The following CDC42BPB variants were observed in gnomAD, a reference collection of about 807,000 sequenced individuals.
The protein encoded by CDC42BPB is CDC42 binding protein kinase beta, also known as serine/threonine-protein kinase MRCK beta.
A neutral mutation model predicts 214.9 loss-of-function variants in CDC42BPB; 37 were observed. That is an observed-to-expected ratio of 0.17 (90% CI 0.13 to 0.23). The LOEUF is 0.23. CDC42BPB is among the 10% of genes least tolerant of loss of function. The probability of loss-of-function intolerance (pLI) is 1.00; values close to 1 mark genes in which losing one functional copy is unlikely to be tolerated. For synonymous variants in CDC42BPB, 931 were observed against 884.0 expected (o/e 1.05, Z -0.94); for missense variants, 1,694 against 2,227.0 (o/e 0.76, Z 4.82).
At position 103,057,005 on chromosome 14, in the gene CDC42BPB, C is replaced by G. The variant is rs769301150; in HGVS notation, c.169G>C (p.Glu57Gln). Residue 57 changes from glutamate to glutamine, a missense_variant, in exon 1 of 37, where the codon GAG (glutamate) becomes CAG (glutamine). Coordinates refer to ENST00000361246, the MANE Select transcript of CDC42BPB (RefSeq NM_006035.4). ...RRDKYVAEFL[E>Q]WAKPFTQLVK... ...CCTGCCGGCGCGCACTTACCCCACT[C>G]GAGGAACTCGGCCACGTACTTGTCG... The G allele has an allele frequency of 2.1e-6, 3 of 1,461,038 alleles. No individual in the cohort carries two copies. The highest frequency in any genetic ancestry group is 2.9e-5 in the East Asian group (1 of 34,544). The allele number at this position is 1,461,038 out of a possible 1,614,324, so 90.5% of individuals were successfully genotyped here. A position where few individuals can be genotyped will look rare whatever the true frequency, so the allele number is the denominator to read the frequency against.
intron 29 of CDC42BPB, 61 bp downstream of exon 29, chr14:102,945,600 CT>C (rs1316781774): frequency 1.4e-6 from 2 of 1,433,452 alleles, no homozygotes; most frequent in Non-Finnish European, 2.0e-6. Flanking sequence ...TGACCCTGTG[CT>C]GTCTGCAGAG....
chr14:103,024,941 G>A lies in CDC42BPB; in HGVS notation c.176-12753C>T, dbSNP rs35445593. ...TTACTCCCCACATAAGACTTTTTACGTGTCAGTTTTAAAATTCAGAGGCAA... is the reference window on the plus strand; with the variant it reads ...TTACTCCCCACATAAGACTTTTTACATGTCAGTTTTAAAATTCAGAGGCAA... On this transcript the variant is annotated intron_variant, in intron 1 of 36. Coordinates refer to ENST00000361246, the MANE Select transcript of CDC42BPB (RefSeq NM_006035.4). Among the ~76,000 whole-genome samples the A allele has an allele frequency of 1.6e-4, 24 of 152,060 alleles. No individual in the cohort carries two copies. The South Asian group carries it at 3.7e-3, about 24-fold the overall frequency.
At chr14:102,978,816 G>A (rs754235404) in intron 8 of CDC42BPB, among the ~76,000 whole-genome samples, 20 of 152,146 alleles carry the variant, frequency 1.3e-4, no homozygotes, top group Non-Finnish European at 2.4e-4. Context: ...GATCAGCCTA[G>A]GCCAACATGG....
At chr14:102,981,083 C>G (rs188420398) in intron 7 of CDC42BPB, 62 bp from the exon 8 acceptor site, 1 of 1,598,212 alleles carries the variant, frequency 6.3e-7, no homozygotes, top group Non-Finnish European at 8.5e-7. Flanking sequence ...TTAAGGTGTA[C>G]AGATATGATA....
intron 36 of CDC42BPB, among the ~76,000 whole-genome samples, chr14:102,934,477 T>C (rs1891545379): frequency 6.6e-6 from 1 of 151,848 alleles, no homozygotes; most frequent in African/African-American, 2.4e-5. Context: ...GAGCTTGCAG[T>C]GAGCCGAGAC....
rs550429022 is a variant in CDC42BPB at position 102,959,610 on chromosome 14, A to C, written c.2901+21T>G. 8 of 1,261,454 alleles carry C rather than the reference A, an allele frequency of 6.3e-6. No individual in the cohort carries two copies. In the African/African-American group the frequency reaches 1.2e-4, roughly 19 times the overall value. The allele number at this position is 1,261,454 out of a possible 1,614,324, so 78.1% of individuals were successfully genotyped here. On this transcript the variant is annotated intron_variant, in intron 21 of 36. Transcript: ENST00000361246. ...CTTATCATAAACTCATCTGTCACTT[A>C]AAAAAAAAACAATGACTTACTCTAA...
chr14:103,051,710 CTT>C (rs1888618664), intron 1 of CDC42BPB, among the ~76,000 whole-genome samples: 1 of 152,234 alleles, frequency 6.6e-6, no homozygotes, highest in South Asian at 2.1e-4. Context: ...ACATTTTAAA[CTT>C]TTTCAGGTAG....
intron 1 of CDC42BPB, among the ~76,000 whole-genome samples, chr14:103,048,459 C>G (rs774058557): frequency 1.4e-5 from 2 of 139,922 alleles, no homozygotes; most frequent in Non-Finnish European, 3.0e-5. Context: ...GAGGATGAGG[C>G]AGGTGGATCA....
intron 7 of CDC42BPB, 95 bp downstream of exon 7, chr14:102,983,461 G>A (rs1036749665): frequency 3.9e-6 from 6 of 1,543,696 alleles, no homozygotes; most frequent in Admixed American, 1.9e-5. Context: ...AACTACTCGC[G>A]TTGCTTCCTA....
rs1566855019 is a variant in CDC42BPB at position 102,954,934 on chromosome 14, G to A, written c.2902-246C>T. 8.4e-6 allele frequency: 3 copies of A among 356,284 alleles called. No homozygotes were observed. In the South Asian group the frequency reaches 3.3e-4, roughly 39 times the overall value. The allele number at this position is 356,284 out of a possible 1,614,324, so 22.1% of individuals were successfully genotyped here. On this transcript the variant is annotated intron_variant, in intron 21 of 36. Transcript: ENST00000361246. ...AGCTGAGTGGTGATTGCGTGGGCAG[G>A]TGGAGTCTGACAAGTCACAGTCACC...
rs970053601 is a variant in CDC42BPB, at chr14:102,978,224, A to G, written c.1141-19T>C. The G allele has an allele frequency of 6.2e-7, 1 of 1,608,060 alleles. No individual in the cohort carries two copies. Among genetic ancestry groups the G allele is most frequent in the East Asian group, 2.2e-5 (1 of 44,862 alleles). ...ATATTTCCTGCATAAGAACATATAC[A>G]ACACAAATGAAATCTACATTCAAAC... On this transcript the variant is annotated intron_variant, in intron 8 of 36. Transcript: ENST00000361246.
At chr14:103,036,589 G>C (rs945950287) in intron 1 of CDC42BPB, among the ~76,000 whole-genome samples, 1 of 151,828 alleles carries the variant, frequency 6.6e-6, no homozygotes, top group Admixed American at 6.6e-5. Context: ...TCCTCATTTG[G>C]AAATACAGAT....
rs775447507 is a variant in CDC42BPB, at chr14:102,947,852, C to T, written c.3450-50G>A. The stretch of plus-strand genomic sequence containing the variant: ...CGCTGGGAGACACGCGCACAGGACC[C>T]AAGGCCCTCCCACGCCCTGCCCTGC... On this transcript the variant is annotated intron_variant, in intron 26 of 36. Transcript: ENST00000361246. 3 of 1,609,616 alleles carry T rather than the reference C, an allele frequency of 1.9e-6. No homozygotes were observed. In the East Asian group the frequency reaches 6.7e-5, roughly 36 times the overall value.
intron 6 of CDC42BPB, among the ~76,000 whole-genome samples, chr14:102,984,563 A>G (rs964332752): frequency 6.6e-6 from 1 of 152,132 alleles, no homozygotes; most frequent in Non-Finnish European, 1.5e-5. Flanking sequence ...GGCAGGTGCC[A>G]GAGTACAGTG....
rs895911283 is a variant in CDC42BPB at position 102,950,361 on chromosome 14, C to T, written c.3309+105G>A. On this transcript the variant is annotated intron_variant, in intron 25 of 36. Coordinates refer to ENST00000361246, the MANE Select transcript of CDC42BPB (RefSeq NM_006035.4). ...AAGCCCCCTAGGACTGGCACCAGGGCCACCTGCCGCAGCAAGGGGCTGCTT... is the reference window on the plus strand; with the variant it reads ...AAGCCCCCTAGGACTGGCACCAGGGTCACCTGCCGCAGCAAGGGGCTGCTT... 4 of 1,441,860 alleles carry T rather than the reference C, an allele frequency of 2.8e-6. No individual in the cohort carries two copies. In the Admixed American group the frequency reaches 7.1e-5, roughly 26 times the overall value. The allele number at this position is 1,441,860 out of a possible 1,614,324, so 89.3% of individuals were successfully genotyped here.
intron 5 of CDC42BPB, among the ~76,000 whole-genome samples, chr14:102,990,605 T>C (rs542712865): frequency 6.6e-6 from 1 of 152,166 alleles, no homozygotes; most frequent in Non-Finnish European, 1.5e-5. Context: ...CTCTGTGCAC[T>C]GAGGGGCCTA....
intron 30 of CDC42BPB, among the ~76,000 whole-genome samples, chr14:102,942,042 T>C (rs1275882751): frequency 6.6e-6 from 1 of 152,234 alleles, no homozygotes; most frequent in African/African-American, 2.4e-5. Context: ...TTGCACTAAG[T>C]GACCTGGGCC....
At chr14:102,945,782 G>C (rs1436068951) in intron 28 of CDC42BPB, 58 bp from the exon 29 acceptor site, 1 of 1,455,724 alleles carries the variant, frequency 6.9e-7, no homozygotes, top group East Asian at 2.3e-5. Context: ...AACAATATGG[G>C]TTTGAATGCG....
In CDC42BPB at chr14:102,943,830, C is replaced by T; in HGVS notation, c.4408+61G>A. Reference sequence around the variant, plus strand: ...AGACAAACCAAAGCAAAATCGAACACATGCTGACTGTCGGTGGGAAAAGCA... The same window carrying T: ...AGACAAACCAAAGCAAAATCGAACATATGCTGACTGTCGGTGGGAAAAGCA... On this transcript the variant is annotated intron_variant, in intron 30 of 36. Transcript: ENST00000361246. The surrounding 1 kb of genome is among the most constrained non-coding windows in gnomAD (Gnocchi z 4.6). The T allele has an allele frequency of 6.8e-7, 1 of 1,472,070 alleles. No individual in the cohort carries two copies. Among genetic ancestry groups the T allele is most frequent in the Non-Finnish European group, 9.2e-7 (1 of 1,087,232 alleles). 91.2% of individuals were successfully genotyped at this position (1,472,070 alleles called of 1,614,324 possible).
Sources: allele counts gnomAD v4.1 joint callset (sites outside exome capture counted in the v4.1 genomes callset), GRCh38; gene constraint gnomAD v4.1.1; non-coding constraint Gnocchi (gnomAD v3.1); transcripts MANE v1.5; gene names NCBI Gene and HGNC (gene_info 2026-07-23, HGNC 2026-07-21).